Variants in VTA1 observed in about 807,000 individuals in gnomAD.
VTA1 encodes vacuolar protein sorting-associated protein VTA1 homolog.
VTA1 carries 24 observed loss-of-function variants against 36.9 expected under a neutral mutation model. The ratio of observed to expected loss-of-function variants is 0.65; its 90% CI spans 0.47 to 0.91. The LOEUF (loss-of-function observed/expected upper bound fraction) is 0.91. Among genes scored for constraint, VTA1 ranks in the 40% least tolerant of loss-of-function variants. The pLI is 0.00. For synonymous variants in VTA1, 142 were observed against 130.2 expected (o/e 1.09, Z -0.62); for missense variants, 393 against 377.2 (o/e 1.04, Z -0.35).
At chr6:142,170,562 A>G (rs1775009751) in intron 4 of VTA1, 141 bp downstream of exon 4, 4 of 527,700 alleles carry the variant, frequency 7.6e-6, no homozygotes, top group African/African-American at 2.0e-5. Flanking sequence ...TGCATTTTTT[A>G]TTAGCCATTT....
intron 6 of VTA1, among the ~76,000 whole-genome samples, chr6:142,202,222 T>A (rs1380311138): frequency 1.3e-5 from 2 of 151,988 alleles, no homozygotes; most frequent in African/African-American, 2.4e-5. Context: ...AATTGTCAGA[T>A]GTTTATAATT....
chr6:142,159,352 A>G (rs961165694), intron 1 of VTA1, among the ~76,000 whole-genome samples: 1 of 152,070 alleles, frequency 6.6e-6, no homozygotes, highest in Non-Finnish European at 1.5e-5. Context: ...CAACAGAACG[A>G]GACCCCATCT....
Position 142,220,350 on chromosome 6 carries a change from C to T in VTA1, c.*1707C>T, listed in dbSNP as rs570435237. The T allele has an allele frequency of 2.6e-5, 4 of 152,304 alleles. No individual in the cohort carries two copies. The highest frequency in any genetic ancestry group is 5.9e-5 in the Non-Finnish European group (4 of 68,040). 9.4% of individuals were successfully genotyped at this position (152,304 alleles called of 1,614,324 possible). On this transcript the variant is annotated 3_prime_UTR_variant, in exon 8 of 8. Coordinates refer to ENST00000367630, the MANE Select transcript of VTA1 (RefSeq NM_016485.5). Reference sequence around the variant, plus strand: ...TGGACACTGAAAAGTAAACGCATCACCTCCTATTTTATACCCTACCTTCTG... The same window carrying T: ...TGGACACTGAAAAGTAAACGCATCATCTCCTATTTTATACCCTACCTTCTG...
intron 5 of VTA1, among the ~76,000 whole-genome samples, chr6:142,193,792 C>CTAT (rs1775496511): frequency 1.3e-5 from 2 of 151,838 alleles, no homozygotes; most frequent in Non-Finnish European, 1.5e-5. Flanking sequence ...AAGCAGTTTG[C>CTAT]TTTCATCTGG....
chr6:142,218,399 CT>C (rs1157724716), intron 7 of VTA1, 98 bp from the exon 8 acceptor site: 2 of 1,264,732 alleles, frequency 1.6e-6, no homozygotes, highest in Non-Finnish European at 2.2e-6. Flanking sequence ...TTTACATAGC[CT>C]TAAATATGTT....
chr6:142,164,022 G>A (rs1272616332), intron 1 of VTA1, among the ~76,000 whole-genome samples: 1 of 152,042 alleles, frequency 6.6e-6, no homozygotes, highest in Non-Finnish European at 1.5e-5. Context: ...GGACTCAAAG[G>A]CCTAGCTAGC....
intron 1 of VTA1, among the ~76,000 whole-genome samples, chr6:142,160,363 G>A (rs1192049085): frequency 2.0e-5 from 3 of 152,098 alleles, no homozygotes; most frequent in Non-Finnish European, 4.4e-5. Context: ...TCAACTTATT[G>A]AACAGGTTTT....
At chr6:142,217,867 C>A (rs962204328) in intron 7 of VTA1, among the ~76,000 whole-genome samples, 1 of 150,540 alleles carries the variant, frequency 6.6e-6, no homozygotes, top group African/African-American at 2.4e-5. Context: ...TTTTTTTAAA[C>A]TGAAATTGTT....
intron 1 of VTA1, among the ~76,000 whole-genome samples, chr6:142,157,848 T>G (rs1778692234): frequency 6.7e-6 from 1 of 149,074 alleles, no homozygotes; most frequent in Non-Finnish European, 1.5e-5. Flanking sequence ...CTTGTCAGAT[T>G]TTTATGTTTT....
At chr6:142,184,420 G>A (rs913110219) in intron 4 of VTA1, among the ~76,000 whole-genome samples, 2 of 152,166 alleles carry the variant, frequency 1.3e-5, no homozygotes, top group Non-Finnish European at 1.5e-5. Flanking sequence ...GATAAGACAC[G>A]TGTCACATTT....
At chr6:142,205,857 T>G (rs1475139983) in intron 7 of VTA1, among the ~76,000 whole-genome samples, 1 of 152,070 alleles carries the variant, frequency 6.6e-6, no homozygotes, top group Non-Finnish European at 1.5e-5. Context: ...AAATCTCAGT[T>G]TGGAAGCAAA....
chr6:142,169,632 T>C lies in VTA1; in HGVS notation c.290T>C (p.Met97Thr), dbSNP rs1422219423. 1.2e-6 allele frequency: 2 copies of C among 1,609,816 alleles called. No individual in the cohort carries two copies. The highest frequency in any genetic ancestry group is 1.7e-6 in the Non-Finnish European group (2 of 1,178,996). The change falls in exon 3 of 8, where the codon ATG becomes ACG. Residue 97 changes from methionine to threonine, a missense_variant. Coordinates refer to ENST00000367630, the MANE Select transcript of VTA1 (RefSeq NM_016485.5). ...CATTTGGAGAATTATGCTTTGAAAA[T>C]GTTTTTGTATGCAGACAATGAAGAT... is the stretch of plus-strand genomic sequence containing the variant. ...CAHLENYALK[M>T]FLYADNEDRA... is the part of the protein sequence containing the mutation.
rs548766375 is a variant in VTA1 at position 142,165,204 on chromosome 6, T to G, written c.113-1024T>G. 6.6e-5 allele frequency among the ~76,000 whole-genome samples: 10 copies of G among 152,284 alleles called. No individual in the cohort carries two copies. In the East Asian group the frequency reaches 1.9e-3, roughly 29 times the overall value. The stretch of plus-strand genomic sequence containing the variant: ...TTTTTAGTCTTCAGATTGATAGGAA[T>G]GTAAGTTTAATAAGTTTTTTGTGAG... On this transcript the variant is annotated intron_variant, in intron 1 of 7. Coordinates refer to ENST00000367630, the MANE Select transcript of VTA1 (RefSeq NM_016485.5).
At chr6:142,184,337 T>G (rs1443037336) in intron 4 of VTA1, among the ~76,000 whole-genome samples, 2 of 152,094 alleles carry the variant, frequency 1.3e-5, no homozygotes, top group Non-Finnish European at 1.5e-5. Flanking sequence ...ACTTTTGTAA[T>G]GACATTTCTT....
chr6:142,161,254 T>G (rs541968638), intron 1 of VTA1, among the ~76,000 whole-genome samples: 34 of 152,248 alleles, frequency 2.2e-4, no homozygotes, highest in Non-Finnish European at 4.4e-4. Flanking sequence ...TAGAATAACA[T>G]TCAGTTCTAT....
At chr6:142,181,078 GAAAAAA>G (rs1162412059) in intron 4 of VTA1, among the ~76,000 whole-genome samples, 4 of 51,300 alleles carry the variant, frequency 7.8e-5, no homozygotes, top group Non-Finnish European at 1.4e-4. Context: ...AAATGGTACA[GAAAAAA>G]AAAAAAAAAA....
chr6:142,218,401 T>C, intron 7 of VTA1, 97 bp from the exon 8 acceptor site: 2 of 1,290,862 alleles, frequency 1.5e-6, no homozygotes, highest in Non-Finnish European at 2.1e-6. Flanking sequence ...TACATAGCCT[T>C]AAATATGTTT....
chr6:142,204,986 A>G (rs546973737), intron 7 of VTA1, among the ~76,000 whole-genome samples: 1 of 152,252 alleles, frequency 6.6e-6, no homozygotes, highest in African/African-American at 2.4e-5. Flanking sequence ...AGCCTCCCAT[A>G]CTGCTGGGAT....
chr6:142,206,984 G>A (rs894988197), intron 7 of VTA1, among the ~76,000 whole-genome samples: 1 of 151,950 alleles, frequency 6.6e-6, no homozygotes, highest in South Asian at 2.1e-4. Flanking sequence ...CCAAAACTAG[G>A]GACTTCCAGT....
Sources: allele counts gnomAD v4.1 joint callset (sites outside exome capture counted in the v4.1 genomes callset), GRCh38; gene constraint gnomAD v4.1.1; transcripts MANE v1.5; gene names NCBI Gene and HGNC (gene_info 2026-07-23, HGNC 2026-07-21).